APOBEC1: variants seen among roughly 807,000 people sequenced by gnomAD.
APOBEC1 encodes the protein apolipoprotein B mRNA editing enzyme catalytic subunit 1, also known as C->U-editing enzyme APOBEC-1.
In APOBEC1, 22 loss-of-function variants were observed where a neutral mutation model predicts 26.3. That is an observed-to-expected ratio of 0.84 (90% CI 0.60 to 1.19). The LOEUF (loss-of-function observed/expected upper bound fraction) is 1.19, where lower values mean the gene tolerates loss of function less well. Ranked by LOEUF, APOBEC1 falls within the 50% of genes most tolerant of loss-of-function variation. The probability of loss-of-function intolerance (pLI) is 0.00; values close to 1 mark genes in which losing one functional copy is unlikely to be tolerated. For missense variants in APOBEC1, 253 were observed against 289.0 expected (o/e 0.88, Z 0.90); for synonymous variants, 77 against 95.3 (o/e 0.81, Z 1.12).
At chr12:7,664,758 A>T (rs1183594498) in intron 1 of APOBEC1, among the ~76,000 whole-genome samples, 3 of 151,916 alleles carry the variant, frequency 2.0e-5, no homozygotes, top group Non-Finnish European at 2.9e-5. Flanking sequence ...CTACAAAAAA[A>T]TTAGCAGGGC....
In APOBEC1 at chr12:7,660,334, G is replaced by GGGAAGGAAGGAAGGAA. The variant is rs756648758; in HGVS notation, c.16+5507_16+5522dup. On this transcript the variant is annotated intron_variant, in intron 1 of 4. Coordinates refer to ENST00000229304, the MANE Select transcript of APOBEC1 (RefSeq NM_001644.5). The stretch of plus-strand genomic sequence containing the variant: ...AGAAAGGAAGGAAGGAAGGAAGGAA[G>GGGAAGGAAGGAAGGAA]GGAAGGAAGGAAGGAAGGAAGGAAG... Among the ~76,000 whole-genome samples, 19 of 35,750 alleles carry GGGAAGGAAGGAAGGAA rather than the reference G, an allele frequency of 5.3e-4. 1 individual carries two copies. Among genetic ancestry groups the GGGAAGGAAGGAAGGAA allele is most frequent in the East Asian group, 9.8e-4 (2 of 2,048 alleles). The allele number at this position is 35,750 out of a possible 152,430, so 23.5% of individuals were successfully genotyped here.
chr12:7,665,761 A>G, intron 1 of APOBEC1, 96 bp downstream of exon 1: 1 of 399,966 alleles, frequency 2.5e-6, no homozygotes, highest in Non-Finnish European at 4.4e-6. Context: ...GGACACACAC[A>G]CACACACACA....
At chr12:7,665,063 A>G (rs1334102645) in intron 1 of APOBEC1, among the ~76,000 whole-genome samples, 1 of 152,120 alleles carries the variant, frequency 6.6e-6, no homozygotes, top group African/African-American at 2.4e-5. Flanking sequence ...AAATAAGATA[A>G]AAATTTTTTT....
chr12:7,661,854 A>C (rs1863824363), intron 1 of APOBEC1, among the ~76,000 whole-genome samples: 1 of 152,186 alleles, frequency 6.6e-6, no homozygotes. Context: ...GAATTGAGAG[A>C]TGGGAAGTAA....
chr12:7,654,372 C>CTTTT (rs373055650), intron 2 of APOBEC1, among the ~76,000 whole-genome samples: 4 of 136,590 alleles, frequency 2.9e-5, no homozygotes, highest in African/African-American at 1.1e-4. Context: ...TCCACAGTTC[C>CTTTT]TTTTTTTTTT....
intron 4 of APOBEC1, 89 bp downstream of exon 4, chr12:7,650,934 A>G (rs1452112903): frequency 2.1e-5 from 19 of 905,212 alleles, no homozygotes; most frequent in Non-Finnish European, 3.2e-5. Context: ...AATGTCAAAA[A>G]GAAGATATGA....
chr12:7,662,866 C>T (rs1205175714), intron 1 of APOBEC1, among the ~76,000 whole-genome samples: 1 of 152,074 alleles, frequency 6.6e-6, no homozygotes, highest in Non-Finnish European at 1.5e-5. Flanking sequence ...TGATCAAGAC[C>T]TGCAATGGAG....
At chr12:7,652,102 G>A (rs1020566343) in intron 3 of APOBEC1, among the ~76,000 whole-genome samples, 8 of 152,056 alleles carry the variant, frequency 5.3e-5, no homozygotes, top group African/African-American at 1.9e-4. Flanking sequence ...GATTACAGGC[G>A]TGAGCCACCG....
In APOBEC1 at chr12:7,665,899, C is replaced by G. The variant is rs764268935; in HGVS notation, c.-27G>C. ...GTGCTCTGTCTCTGGACTTCCTCCT[C>G]TGGAGTCATAAGTTGTGCTGATTGT... is the stretch of plus-strand genomic sequence containing the variant. On this transcript the variant is annotated 5_prime_UTR_variant, in exon 1 of 5. Coordinates refer to ENST00000229304, the MANE Select transcript of APOBEC1 (RefSeq NM_001644.5). 52 of 1,613,862 alleles carry G rather than the reference C, an allele frequency of 3.2e-5. No homozygotes were observed. The highest frequency in any genetic ancestry group is 1.0e-4 in the Admixed American group (6 of 59,966).
intron 1 of APOBEC1, among the ~76,000 whole-genome samples, chr12:7,665,611 T>A (rs1281115633): frequency 6.6e-6 from 1 of 152,218 alleles, no homozygotes; most frequent in African/African-American, 2.4e-5. Flanking sequence ...TAATTTTTTA[T>A]CATGGTGAAA....
At chr12:7,650,215 G>A (rs1863619967) in intron 4 of APOBEC1, among the ~76,000 whole-genome samples, 1 of 152,148 alleles carries the variant, frequency 6.6e-6, no homozygotes, top group African/African-American at 2.4e-5. Context: ...ATACAGTAGA[G>A]CCAATATGTG....
At chr12:7,652,010 G>A (rs1037877566) in intron 3 of APOBEC1, among the ~76,000 whole-genome samples, 2 of 152,016 alleles carry the variant, frequency 1.3e-5, no homozygotes, top group African/African-American at 2.4e-5. Flanking sequence ...TTTTAGTAGA[G>A]ACGGGGTTTC....
chr12:7,654,951 G>A lies in APOBEC1; in HGVS notation c.17-319C>T, dbSNP rs144169410. ...AGGCCGGGTGCGGTGGCTCACGCCT[G>A]TAATTCTAGCACTTTGGGAGACCGA... On this transcript the variant is annotated intron_variant, in intron 1 of 4. Coordinates refer to ENST00000229304, the MANE Select transcript of APOBEC1 (RefSeq NM_001644.5). Among the ~76,000 whole-genome samples the A allele has an allele frequency of 2.2e-3, 329 of 152,326 alleles. 3 individuals carry two copies. The highest frequency in any genetic ancestry group is 7.5e-3 in the African/African-American group (313 of 41,590).
intron 1 of APOBEC1, among the ~76,000 whole-genome samples, chr12:7,655,243 G>T (rs1170409748): frequency 6.6e-6 from 1 of 152,068 alleles, no homozygotes; most frequent in Non-Finnish European, 1.5e-5. Context: ...CGGTGTGGTG[G>T]CTCACGCCTG....
chr12:7,664,900 TAAAA>T (rs397850472), intron 1 of APOBEC1, among the ~76,000 whole-genome samples: 17 of 135,244 alleles, frequency 1.3e-4, no homozygotes, highest in Non-Finnish European at 1.7e-4. Flanking sequence ...GGGCGAGTCT[TAAAA>T]AAAAAAAAAA....
At chr12:7,660,390 A>C (rs1377921376) in intron 1 of APOBEC1, among the ~76,000 whole-genome samples, 55 of 101,384 alleles carry the variant, frequency 5.4e-4, no homozygotes, top group Middle Eastern at 5.4e-3. Flanking sequence ...GAAAGAAAGA[A>C]AGAAAGAAAG....
intron 2 of APOBEC1, 25 bp from the exon 3 acceptor site, chr12:7,652,860 C>T (rs1487367295): frequency 3.2e-6 from 5 of 1,547,480 alleles, no homozygotes; most frequent in Non-Finnish European, 4.3e-6. Context: ...GCAGCCCACA[C>T]TGTCATGCCA....
At chr12:7,655,728 C>T (rs1352452215) in intron 1 of APOBEC1, among the ~76,000 whole-genome samples, 1 of 152,042 alleles carries the variant, frequency 6.6e-6, no homozygotes, top group Non-Finnish European at 1.5e-5. Flanking sequence ...GTGGCTTATA[C>T]CTATAATCCC....
chr12:7,656,023 G>A (rs1408777287), intron 1 of APOBEC1, among the ~76,000 whole-genome samples: 2 of 151,762 alleles, frequency 1.3e-5, no homozygotes, highest in Admixed American at 1.3e-4. Context: ...TTTTTGTGGA[G>A]GCGTGTTCTC....
Sources: allele counts gnomAD v4.1 joint callset (sites outside exome capture counted in the v4.1 genomes callset), GRCh38; gene constraint gnomAD v4.1.1; transcripts MANE v1.5; gene names NCBI Gene and HGNC (gene_info 2026-07-23, HGNC 2026-07-21).